RASSF8: variants seen among roughly 807,000 people sequenced by gnomAD.
The protein encoded by RASSF8 is Ras association domain family member 8, also known as ras association domain-containing protein 8.
A neutral mutation model predicts 48.5 loss-of-function variants in RASSF8; 22 were observed. That is an observed-to-expected ratio of 0.45 (90% CI 0.32 to 0.65). The LOEUF (loss-of-function observed/expected upper bound fraction) is 0.65, where lower values mean the gene tolerates loss of function less well. RASSF8 is among the 30% of genes least tolerant of loss of function. The pLI, the probability that RASSF8 is intolerant of heterozygous loss-of-function variation, is 0.03. For missense variants in RASSF8, 418 were observed against 489.2 expected (o/e 0.85, Z 1.37); for synonymous variants, 127 against 171.5 (o/e 0.74, Z 2.03).
At chr12:25,968,261 T>C (rs1306028595) in intron 1 of RASSF8, among the ~76,000 whole-genome samples, 1 of 152,258 alleles carries the variant, frequency 6.6e-6, no homozygotes, top group Non-Finnish European at 1.5e-5. Context: ...GTTTGCAGCA[T>C]GTTTACACTG....
rs140867797 is a variant in RASSF8 at position 26,068,335 on chromosome 12, G to A, written c.1139-362G>A. 2.4e-4 allele frequency among the ~76,000 whole-genome samples: 36 copies of A among 151,910 alleles called. 1 individual carries two copies. Among genetic ancestry groups the A allele is most frequent in the African/African-American group, 8.2e-4 (34 of 41,430 alleles). On this transcript the variant is annotated intron_variant, in intron 5 of 5. Transcript: ENST00000689635. Reference sequence around the variant, plus strand: ...GTTATAGTCTATTAATTTGAATTTTGGCTTCTCTGTTCCTTATGCCCCCCT... The same window carrying A: ...GTTATAGTCTATTAATTTGAATTTTAGCTTCTCTGTTCCTTATGCCCCCCT...
At chr12:25,990,028 A>C (rs1189195036) in intron 1 of RASSF8, among the ~76,000 whole-genome samples, 1 of 152,180 alleles carries the variant, frequency 6.6e-6, no homozygotes, top group African/African-American at 2.4e-5. Context: ...GGTTGTGAAC[A>C]GTGTCTGAAC....
chr12:26,069,615 T>G lies in RASSF8; in HGVS notation c.*797T>G, dbSNP rs1248377743. The stretch of plus-strand genomic sequence containing the variant: ...ACAGGCATGGGGTTTCCTGATACAT[T>G]ATGTGTTTTGTTTCTGCCCTGTCTT... On this transcript the variant is annotated 3_prime_UTR_variant, in exon 6 of 6. Coordinates refer to ENST00000689635, the MANE Select transcript of RASSF8 (RefSeq NM_001394098.1). The G allele has an allele frequency of 1.0e-6, 1 of 985,308 alleles. No individual in the cohort carries two copies. The highest frequency in any genetic ancestry group is 1.7e-5 in the African/African-American group (1 of 57,240). The allele number at this position is 985,308 out of a possible 1,614,324, so 61.0% of individuals were successfully genotyped here. A position where few individuals can be genotyped will look rare whatever the true frequency, so the allele number is the denominator to read the frequency against.
downstream of RASSF8, among the ~76,000 whole-genome samples, chr12:26,075,861 T>G (rs1944067215): frequency 6.6e-6 from 1 of 151,948 alleles, no homozygotes; most frequent in South Asian, 2.1e-4. Flanking sequence ...AACAACTCAC[T>G]CAGGCAAGGG....
exon 6 of RASSF8, chr12:26,079,582 C>G (rs1184040939): frequency 6.8e-6 from 1 of 147,516 alleles, no homozygotes; most frequent in Non-Finnish European, 1.5e-5. Flanking sequence ...CAGAGTGAGA[C>G]TCCATCTCAA....
chr12:26,002,151 G>A (rs977941352), intron 2 of RASSF8, among the ~76,000 whole-genome samples: 1 of 152,214 alleles, frequency 6.6e-6, no homozygotes, highest in Non-Finnish European at 1.5e-5. Flanking sequence ...AAATAGAGTT[G>A]GTTGGGCACA....
chr12:25,968,602 C>T (rs1306972726), intron 1 of RASSF8, among the ~76,000 whole-genome samples: 5 of 152,192 alleles, frequency 3.3e-5, no homozygotes, highest in African/African-American at 1.2e-4. Context: ...CCTCAGCCTC[C>T]CAAAGTGCTG....
intron 2 of RASSF8, among the ~76,000 whole-genome samples, chr12:26,017,421 T>C (rs1014193262): frequency 6.6e-6 from 1 of 152,180 alleles, no homozygotes; most frequent in African/African-American, 2.4e-5. Flanking sequence ...TAATATTATA[T>C]AATATGAACT....
intron 2 of RASSF8, among the ~76,000 whole-genome samples, chr12:26,051,135 A>G (rs1943480854): frequency 6.6e-6 from 1 of 152,078 alleles, no homozygotes. Context: ...AGTTATTTAA[A>G]CTCTCCGAGA....
intron 1 of RASSF8, among the ~76,000 whole-genome samples, chr12:25,980,836 G>C (rs1190639059): frequency 6.6e-6 from 1 of 152,136 alleles, no homozygotes; most frequent in Non-Finnish European, 1.5e-5. Context: ...AATTGTTTTA[G>C]ATAAGTTTCT....
At chr12:26,011,083 G>A (rs1942512218) in intron 2 of RASSF8, among the ~76,000 whole-genome samples, 1 of 152,178 alleles carries the variant, frequency 6.6e-6, no homozygotes, top group Admixed American at 6.5e-5. Context: ...GCCATCTGAG[G>A]AATTGTCCAT....
chr12:26,068,392 A>T (rs938803550), intron 5 of RASSF8, among the ~76,000 whole-genome samples: 2 of 152,070 alleles, frequency 1.3e-5, no homozygotes, highest in Non-Finnish European at 2.9e-5. Context: ...AGTTATTATT[A>T]ATTTGTGCTG....
chr12:26,029,269 C>G (rs1046854967), intron 2 of RASSF8, among the ~76,000 whole-genome samples: 1 of 152,188 alleles, frequency 6.6e-6, no homozygotes, highest in African/African-American at 2.4e-5. Context: ...TGGGGCAGGT[C>G]TAGCCTCACA....
Position 26,064,487 on chromosome 12 carries a change from T to C in RASSF8, c.104-11T>C. On this transcript the variant is annotated splice_polypyrimidine_tract_variant and intron_variant, in intron 3 of 5. Transcript: ENST00000689635. ...CCATTTTGACAAGTTATTCTTACCT[T>C]TTTTACATAGGTCGAACTGGAAGGT... is the stretch of plus-strand genomic sequence containing the variant. The C allele has an allele frequency of 6.6e-7, 1 of 1,517,596 alleles. No individual in the cohort carries two copies. Among genetic ancestry groups the C allele is most frequent in the Non-Finnish European group, 8.8e-7 (1 of 1,133,270 alleles). 94.0% of individuals were successfully genotyped at this position (1,517,596 alleles called of 1,614,324 possible). A position where few individuals can be genotyped will look rare whatever the true frequency, so the allele number is the denominator to read the frequency against.
At chr12:26,062,662 T>C (rs1268906307) in intron 3 of RASSF8, among the ~76,000 whole-genome samples, 1 of 152,190 alleles carries the variant, frequency 6.6e-6, no homozygotes, top group Non-Finnish European at 1.5e-5. Flanking sequence ...GAAGTTGCTT[T>C]TTAAAAGTCA....
intron 1 of RASSF8, among the ~76,000 whole-genome samples, chr12:25,961,412 C>T (rs746963309): frequency 1.3e-5 from 2 of 152,124 alleles, no homozygotes; most frequent in African/African-American, 4.8e-5. Context: ...ATTTGGATTA[C>T]AAAATAATAT....
chr12:25,967,705 T>C (rs1941390668), intron 1 of RASSF8, among the ~76,000 whole-genome samples: 1 of 152,216 alleles, frequency 6.6e-6, no homozygotes, highest in Admixed American at 6.5e-5. Context: ...GGATATGAAG[T>C]ACCTCAGTGG....
chr12:25,974,173 T>C (rs1460357059), intron 1 of RASSF8, among the ~76,000 whole-genome samples: 2 of 152,054 alleles, frequency 1.3e-5, no homozygotes, highest in African/African-American at 4.8e-5. Flanking sequence ...GTAATTTTTT[T>C]CCCCTAGAAG....
At chr12:25,998,051 T>G (rs184503301) in intron 2 of RASSF8, among the ~76,000 whole-genome samples, 1 of 152,360 alleles carries the variant, frequency 6.6e-6, no homozygotes, top group Non-Finnish European at 1.5e-5. Flanking sequence ...TGATACTGAT[T>G]GAAGAAATTG....
Sources: gnomAD v4.1 joint callset for allele counts (sites outside exome capture counted in the v4.1 genomes callset) on GRCh38, gnomAD v4.1.1 for gene constraint, MANE v1.5 for transcripts, NCBI Gene and HGNC (gene_info 2026-07-23, HGNC 2026-07-21) for gene names.